Variants in DDX42 observed in about 807,000 individuals in gnomAD.
The protein encoded by DDX42 is DEAD-box helicase 42.
DDX42 carries 22 observed loss-of-function variants against 101.5 expected under a neutral mutation model. The ratio of observed to expected loss-of-function variants is 0.22; its 90% confidence interval spans 0.15 to 0.31. The LOEUF is 0.31. DDX42 is among the 10% of genes least tolerant of loss of function. The pLI is 1.00. For missense variants in DDX42, 849 were observed against 1,199.9 expected, an observed-to-expected ratio of 0.71 and a Z score of 4.32; for synonymous variants, 402 against 401.2, an observed-to-expected ratio of 1.00 and a Z score of -0.02.
Position 63,811,101 on chromosome 17 carries a change from G to A in DDX42, c.1326G>A (p.Arg442=), listed in dbSNP as rs56197520. 118,137 of 1,613,642 alleles carry A rather than the reference G, an allele frequency of 0.073. 4,922 individuals carry two copies. Among genetic ancestry groups the A allele is most frequent in the Non-Finnish European group, 0.084 (99,656 of 1,179,668 alleles). Residue 442 remains arginine (R), a synonymous_variant, in exon 13 of 18, where the codon CGG becomes CGA. Coordinates refer to ENST00000389924, the MANE Select transcript of DDX42 (RefSeq NM_203499.3). The part of the protein sequence containing the change: ...RQTLLFSATF[R]KKIEKLARDI... ...CTCTCTTATTTAGTGCAACTTTTCG[G>A]AAGAAGATTGAAAAGTTGGCCAGAG...
intron 4 of DDX42, 92 bp from the exon 5 acceptor site, chr17:63,799,497 C>A: frequency 7.2e-7 from 1 of 1,390,638 alleles, no homozygotes; most frequent in South Asian, 1.2e-5. Context: ...AGTTCCTGTG[C>A]TGTGTGGAAT....
rs778290455 is a variant in DDX42, at chr17:63,808,825, T to C, written c.1029T>C (p.His343=). 5.6e-6 allele frequency: 9 copies of C among 1,613,956 alleles called. No homozygotes were observed. Among genetic ancestry groups the C allele is most frequent in the African/African-American group, 1.3e-5 (1 of 75,030 alleles). ...CPTRELCQQI[H]AECKRFGKAY... ...TATTATTCACAACTTTGTAGATCCATGCAGAATGTAAGCGGTTTGGAAAAG... is the reference window on the plus strand; with the variant it reads ...TATTATTCACAACTTTGTAGATCCACGCAGAATGTAAGCGGTTTGGAAAAG... The change falls in exon 10 of 18, where the codon CAT becomes CAC. Residue 343 remains histidine, a synonymous_variant. Coordinates refer to ENST00000389924, the MANE Select transcript of DDX42 (RefSeq NM_203499.3).
upstream of DDX42, chr17:63,773,991 T>A (rs2039377625): frequency 9.9e-6 from 2 of 202,206 alleles, no homozygotes; most frequent in South Asian, 3.7e-4. Flanking sequence ...TTTTCTTCAT[T>A]CGCAGACCCA....
intron 7 of DDX42, 128 bp downstream of exon 7, chr17:63,805,303 A>C (rs2039825304): frequency 8.8e-7 from 1 of 1,138,892 alleles, no homozygotes; most frequent in East Asian, 2.7e-5. Flanking sequence ...TTGCCAGAGT[A>C]ATTATTATAT....
chr17:63,774,936 C>T (rs770164372), intron 1 of DDX42, among the ~76,000 whole-genome samples: 5 of 152,206 alleles, frequency 3.3e-5, no homozygotes, highest in African/African-American at 4.8e-5. Context: ...CAAACATATG[C>T]ATCAAAAACA....
chr17:63,785,803 A>T (rs901767128), intron 1 of DDX42, among the ~76,000 whole-genome samples: 1 of 152,186 alleles, frequency 6.6e-6, no homozygotes, highest in Non-Finnish European at 1.5e-5. Context: ...CAATAAATAC[A>T]TGGTTCATAG....
intron 3 of DDX42, 91 bp downstream of exon 3, chr17:63,792,653 C>A: frequency 2.2e-6 from 3 of 1,382,426 alleles, no homozygotes; most frequent in Non-Finnish European, 2.9e-6. Flanking sequence ...AATTTGTTTT[C>A]TAGTCTTATT....
At position 63,816,960 on chromosome 17, in the gene DDX42, T is replaced by C; in HGVS notation, c.2106T>C (p.Ala702=). The stretch of plus-strand genomic sequence containing the variant: ...ATCGACTAACGGCAATGAAAGCAGC[T>C]TTCCAGGTCTGAAATAAGCATTTCA... The part of the protein sequence containing the change: ...MGDRLTAMKA[A]FQSQYKSHFV... The change falls in exon 17 of 18, where the codon GCT becomes GCC. Residue 702 remains alanine, a synonymous_variant. Coordinates refer to ENST00000389924, the MANE Select transcript of DDX42 (RefSeq NM_203499.3). 2 of 1,613,664 alleles carry C rather than the reference T, an allele frequency of 1.2e-6. No individual in the cohort carries two copies. The highest frequency in any genetic ancestry group is 1.7e-6 in the Non-Finnish European group (2 of 1,179,706).
chr17:63,807,688 A>G, intron 8 of DDX42, 36 bp from the exon 9 acceptor site: 10 of 1,578,452 alleles, frequency 6.3e-6, no homozygotes, highest in Non-Finnish European at 8.6e-6. Context: ...TTTAGAATTG[A>G]AATTTTAGAG....
chr17:63,813,773 A>G (rs935901518), intron 15 of DDX42, among the ~76,000 whole-genome samples: 3 of 152,128 alleles, frequency 2.0e-5, no homozygotes, highest in Non-Finnish European at 4.4e-5. Flanking sequence ...TTCCCCCACA[A>G]AATTTTTCTT....
Position 63,802,887 on chromosome 17 carries a change from GCA to G in DDX42, c.622-2183_622-2182del. Among the ~76,000 whole-genome samples, 3 of 145,956 alleles carry G rather than the reference GCA, an allele frequency of 2.1e-5. No homozygotes were observed. In the Admixed American group the frequency reaches 2.1e-4, roughly 10 times the overall value. On this transcript the variant is annotated intron_variant, in intron 6 of 17. Coordinates refer to ENST00000389924, the MANE Select transcript of DDX42 (RefSeq NM_203499.3). ...ATCATGCCATTGCACTCCAGCCTGGGCAATAAGAACAACACTCCATCTCAAAA... is the reference window on the plus strand; with the variant it reads ...ATCATGCCATTGCACTCCAGCCTGGGATAAGAACAACACTCCATCTCAAAA...
chr17:63,779,541 G>A (rs1342537511), intron 1 of DDX42, among the ~76,000 whole-genome samples: 1 of 152,044 alleles, frequency 6.6e-6, no homozygotes, highest in African/African-American at 2.4e-5. Flanking sequence ...TGGGACTGCA[G>A]TTGTGAGCCA....
chr17:63,813,432 A>G lies in DDX42; in HGVS notation c.1880A>G (p.Glu627Gly). The change falls in exon 15 of 18, where the codon GAA becomes GGA. Residue 627 changes from glutamate (E) to glycine (G), a missense_variant. By Grantham distance (98) the Glu-to-Gly change is moderately conservative (BLOSUM62 -2). Transcript: ENST00000389924. Reference protein sequence around the residue: ...LEGANQHVSKELLDLAMQNAW... With the variant: ...LEGANQHVSKGLLDLAMQNAW... ...GGAGCCAATCAACACGTTTCTAAGGAACTCCTAGATCTGGCAATGCAGGTG... is the reference window on the plus strand; with the variant it reads ...GGAGCCAATCAACACGTTTCTAAGGGACTCCTAGATCTGGCAATGCAGGTG... 1 of 1,614,074 alleles carries G rather than the reference A, an allele frequency of 6.2e-7. No homozygotes were observed. The highest frequency in any genetic ancestry group is 1.3e-5 in the African/African-American group (1 of 75,034).
At chr17:63,799,860 G>A (rs886817036) in intron 5 of DDX42, among the ~76,000 whole-genome samples, 1 of 152,128 alleles carries the variant, frequency 6.6e-6, no homozygotes, top group Non-Finnish European at 1.5e-5. Context: ...GCAAATACGA[G>A]CTTTATTCAG....
At chr17:63,808,989 C>G (rs368392062) in intron 10 of DDX42, 41 bp downstream of exon 10, 22 of 1,601,682 alleles carry the variant, frequency 1.4e-5, no homozygotes, top group Middle Eastern at 3.3e-4. Context: ...CAGCCTCCCT[C>G]GGTATGGAAA....
chr17:63,793,540 C>T (rs2144550258), intron 3 of DDX42, among the ~76,000 whole-genome samples: 1 of 152,220 alleles, frequency 6.6e-6, no homozygotes, highest in South Asian at 2.1e-4. Flanking sequence ...AGCGCTTGGA[C>T]CACAGGCATA....
chr17:63,790,046 G>A (rs2039606492), intron 2 of DDX42, among the ~76,000 whole-genome samples: 1 of 152,112 alleles, frequency 6.6e-6, no homozygotes, highest in Non-Finnish European at 1.5e-5. Context: ...TATACAGGAG[G>A]CAGAGGTGGA....
chr17:63,785,538 G>T (rs563164341), intron 1 of DDX42, among the ~76,000 whole-genome samples: 2 of 16,792 alleles, frequency 1.2e-4, no homozygotes, highest in East Asian at 1.1e-3. Context: ...GATGTGAGAG[G>T]GGGGGGTCTC....
At chr17:63,788,190 C>T (rs1258277067) in intron 2 of DDX42, among the ~76,000 whole-genome samples, 1 of 149,414 alleles carries the variant, frequency 6.7e-6, no homozygotes, top group Non-Finnish European at 1.5e-5. Flanking sequence ...CATGCATGAG[C>T]TACTGCACCT....
Sources: gnomAD v4.1 joint callset for allele counts (sites outside exome capture counted in the v4.1 genomes callset) on GRCh38, gnomAD v4.1.1 for gene constraint, MANE v1.5 for transcripts, NCBI Gene and HGNC (gene_info 2026-07-23, HGNC 2026-07-21) for gene names.